HDAC4: variants seen among roughly 807,000 people sequenced by gnomAD.
HDAC4 encodes histone deacetylase A.
Under a neutral mutation model 135.1 loss-of-function variants are expected in HDAC4, and 16 were observed. The ratio of observed to expected loss-of-function variants is 0.12; its 90% confidence interval spans 0.08 to 0.18. The LOEUF is 0.18. Among genes scored for constraint, HDAC4 ranks in the 10% least tolerant of loss-of-function variants. The probability of loss-of-function intolerance (pLI) is 1.00; values close to 1 mark genes in which losing one functional copy is unlikely to be tolerated. For missense variants in HDAC4, 1,143 were observed against 1,511.8 expected (o/e 0.76, Z 4.05); for synonymous variants, 685 against 653.4 (o/e 1.05, Z -0.74).
At chr2:239,264,041 C>T (rs1207326528) in intron 2 of HDAC4, among the ~76,000 whole-genome samples, 1 of 151,536 alleles carries the variant, frequency 6.6e-6, no homozygotes, top group Non-Finnish European at 1.5e-5. Flanking sequence ...CGAGCGGGGG[C>T]TCAATGACTG....
chr2:239,360,582 C>G (rs1693795244), intron 1 of HDAC4, among the ~76,000 whole-genome samples: 1 of 152,242 alleles, frequency 6.6e-6, no homozygotes, highest in Non-Finnish European at 1.5e-5. Flanking sequence ...GAACATGTAT[C>G]TCTTCACACC....
intron 14 of HDAC4, among the ~76,000 whole-genome samples, chr2:239,110,646 C>T (rs745883610): frequency 8.5e-5 from 13 of 152,244 alleles, no homozygotes; most frequent in Non-Finnish European, 1.8e-4. Flanking sequence ...CACTAAGCCA[C>T]GTGATGAGAA....
In HDAC4 at chr2:239,098,584, G is replaced by T. The variant is rs1275537669; in HGVS notation, c.2234-3528C>A. The stretch of plus-strand genomic sequence containing the variant: ...TCAGTGACGCCTAGGGCAGCGGCCA[G>T]CCTGCCTCAGGCCCACGAGCCAATT... On this transcript the variant is annotated intron_variant, in intron 16 of 26. Coordinates refer to ENST00000543185, the MANE Select transcript of HDAC4 (RefSeq NM_001378414.1). Among the ~76,000 whole-genome samples the T allele has an allele frequency of 2.6e-5, 4 of 152,382 alleles. No individual in the cohort carries two copies. The East Asian group carries it at 7.7e-4, about 29-fold the overall frequency.
At chr2:239,159,174 GCCC>G (rs769533584) in intron 6 of HDAC4, among the ~76,000 whole-genome samples, 38 of 140,874 alleles carry the variant, frequency 2.7e-4, no homozygotes, top group South Asian at 2.6e-3. Flanking sequence ...ACTACTACTC[GCCC>G]CCAATTCACA....
chr2:239,378,673 ACCCCGGG>A, intron 1 of HDAC4, among the ~76,000 whole-genome samples: 1 of 151,610 alleles, frequency 6.6e-6, no homozygotes, highest in Admixed American at 6.6e-5. Context: ...GGAACCAATG[ACCCCGGG>A]AACCAATGAA....
intron 3 of HDAC4, among the ~76,000 whole-genome samples, chr2:239,230,066 G>C (rs2047451648): frequency 6.6e-6 from 1 of 152,124 alleles, no homozygotes; most frequent in Non-Finnish European, 1.5e-5. Flanking sequence ...GTGGAACCGG[G>C]AATCTTACTG....
At position 239,051,402 on chromosome 2, in the gene HDAC4, T is replaced by C. The variant is rs894849296; in HGVS notation, c.*1695A>G. The C allele has an allele frequency of 1.3e-5, 2 of 151,844 alleles. No homozygotes were observed. The highest frequency in any genetic ancestry group is 4.8e-5 in the African/African-American group (2 of 41,266). The allele number at this position is 151,844 out of a possible 1,614,324, so 9.4% of individuals were successfully genotyped here. On this transcript the variant is annotated 3_prime_UTR_variant, in exon 27 of 27. Coordinates refer to ENST00000543185, the MANE Select transcript of HDAC4 (RefSeq NM_001378414.1). Reference sequence around the variant, plus strand: ...CGTACAAAAATAAAAACAAAAATAATTAAAAACCTTTGAAAGGTAAAAAAA... The same window carrying C: ...CGTACAAAAATAAAAACAAAAATAACTAAAAACCTTTGAAAGGTAAAAAAA...
chr2:239,289,775 T>G (rs1174678576), intron 2 of HDAC4, among the ~76,000 whole-genome samples: 1 of 152,256 alleles, frequency 6.6e-6, no homozygotes, highest in Non-Finnish European at 1.5e-5. Flanking sequence ...GCCCGCTGCC[T>G]GATCCTGCCC....
chr2:239,081,814 G>T (rs1441138749), intron 21 of HDAC4, among the ~76,000 whole-genome samples: 4 of 152,230 alleles, frequency 2.6e-5, no homozygotes, highest in Admixed American at 2.0e-4. Context: ...CTGCCCGGAG[G>T]AAAACGGGCA....
In HDAC4 at chr2:239,159,552, C is replaced by T. The variant is rs551732060; in HGVS notation, c.612-2779G>A. On this transcript the variant is annotated intron_variant, in intron 6 of 26. Transcript: ENST00000543185. ...ACACCCCACCTCCCACACACACACC[C>T]GCATCTCACACTCACACCTGTCACC... 2.9e-3 allele frequency among the ~76,000 whole-genome samples: 443 copies of T among 151,626 alleles called. 7 individuals are homozygous for T. Among genetic ancestry groups the T allele is most frequent in the Non-Finnish European group, 1.8e-3 (123 of 67,818 alleles).
chr2:239,176,072 A>T (rs1480612056), intron 5 of HDAC4, among the ~76,000 whole-genome samples: 2 of 152,058 alleles, frequency 1.3e-5, no homozygotes, highest in African/African-American at 4.8e-5. Context: ...GGTGAGGCTC[A>T]GCTGCCCCTA....
Position 239,285,299 on chromosome 2 carries a change from A to C in HDAC4, c.23-48635T>G, listed in dbSNP as rs2051072852. Among the ~76,000 whole-genome samples the C allele has an allele frequency of 6.6e-6, 1 of 152,174 alleles. No individual in the cohort carries two copies. The highest frequency in any genetic ancestry group is 1.5e-5 in the Non-Finnish European group (1 of 68,030). On this transcript the variant is annotated intron_variant, in intron 2 of 26. Coordinates refer to ENST00000543185, the MANE Select transcript of HDAC4 (RefSeq NM_001378414.1). The surrounding 1 kb of genome is among the most constrained non-coding windows in gnomAD (Gnocchi z 4.5). ...AGGGGCAGATCCCTGCTGGGAGTGG[A>C]GAACGCGCCGCGGCTGGGCCCCCAA...
intron 2 of HDAC4, among the ~76,000 whole-genome samples, chr2:239,319,459 C>T (rs535513544): frequency 3.3e-5 from 5 of 152,352 alleles, no homozygotes; most frequent in East Asian, 1.9e-4. Context: ...GGCCACCTCC[C>T]GGGACCGAGC....
intron 12 of HDAC4, among the ~76,000 whole-genome samples, chr2:239,120,410 C>CACACAG (rs771653052): frequency 2.1e-4 from 30 of 145,150 alleles, no homozygotes; most frequent in East Asian, 1.9e-3. Context: ...CAGACACACA[C>CACACAG]ACACAGACAC....
chr2:239,150,995 TC>T (rs1358736437), intron 7 of HDAC4, among the ~76,000 whole-genome samples: 2 of 152,250 alleles, frequency 1.3e-5, no homozygotes, highest in Non-Finnish European at 2.9e-5. Context: ...GCCCATTTCT[TC>T]CTGGTCCCAC....
chr2:239,358,605 G>T (rs1693668462), intron 1 of HDAC4, among the ~76,000 whole-genome samples: 2 of 152,180 alleles, frequency 1.3e-5, no homozygotes, highest in African/African-American at 4.8e-5. Context: ...CGCGCGTAGG[G>T]ACTCACTCAC....
intron 3 of HDAC4, among the ~76,000 whole-genome samples, chr2:239,225,509 C>T (rs1384543441): frequency 6.6e-6 from 1 of 152,366 alleles, no homozygotes; most frequent in East Asian, 1.9e-4. Context: ...TGCAGGGTGC[C>T]CCCACCCCAG....
chr2:239,160,260 A>T (rs555622242), intron 6 of HDAC4, among the ~76,000 whole-genome samples: 58 of 152,376 alleles, frequency 3.8e-4, no homozygotes, highest in Non-Finnish European at 7.1e-4. Context: ...AAACATATTA[A>T]TAAGACACCG....
chr2:239,392,711 A>G (rs1451826702), intron 1 of HDAC4, among the ~76,000 whole-genome samples: 2 of 152,150 alleles, frequency 1.3e-5, no homozygotes, highest in Admixed American at 1.3e-4. Context: ...GGGGGTGGGT[A>G]AGTCCTCAAT....
Sources: allele counts gnomAD v4.1 joint callset (sites outside exome capture counted in the v4.1 genomes callset), GRCh38; gene constraint gnomAD v4.1.1; non-coding constraint Gnocchi (gnomAD v3.1); transcripts MANE v1.5; gene names NCBI Gene and HGNC (gene_info 2026-07-23, HGNC 2026-07-21).